The following PLXNA4 variants were observed in gnomAD, a reference collection of about 807,000 sequenced individuals.
The protein encoded by PLXNA4 is plexin-A4.
In PLXNA4, 44 loss-of-function variants were observed where a neutral mutation model predicts 191.8. The ratio of observed to expected loss-of-function variants is 0.23; its 90% CI spans 0.18 to 0.29. The LOEUF is 0.29. Among genes scored for constraint, PLXNA4 ranks in the 10% least tolerant of loss-of-function variants. The pLI is 1.00. For synonymous variants in PLXNA4, 1,082 were observed against 1,009.5 expected (o/e 1.07, Z -1.36); for missense variants, 1,800 against 2,488.8 (o/e 0.72, Z 5.89).
intron 23 of PLXNA4, 28 bp downstream of exon 23, chr7:132,165,106 C>A: frequency 1.2e-6 from 2 of 1,607,982 alleles, no homozygotes; most frequent in Non-Finnish European, 8.5e-7. Context: ...CGAGGCAAGG[C>A]CAGAAATACG....
chr7:132,222,380 T>C (rs550182438), intron 9 of PLXNA4, among the ~76,000 whole-genome samples: 2 of 152,240 alleles, frequency 1.3e-5, no homozygotes, highest in South Asian at 4.1e-4. Flanking sequence ...CCCATGAGGG[T>C]TTGGCCAAAG....
intron 30 of PLXNA4, among the ~76,000 whole-genome samples, chr7:132,136,005 A>G (rs1456259867): frequency 2.0e-5 from 3 of 152,040 alleles, no homozygotes; most frequent in African/African-American, 7.2e-5. Context: ...GTGGGGCTTA[A>G]GTCTTGCTGA....
chr7:132,274,718 T>C (rs1212534947), intron 4 of PLXNA4, among the ~76,000 whole-genome samples: 2 of 152,062 alleles, frequency 1.3e-5, no homozygotes, highest in Non-Finnish European at 2.9e-5. Flanking sequence ...GTTATATATT[T>C]TTGGCACGAA....
chr7:132,492,886 G>A (rs1797860431), intron 2 of PLXNA4, among the ~76,000 whole-genome samples: 1 of 152,194 alleles, frequency 6.6e-6, no homozygotes, highest in Non-Finnish European at 1.5e-5. Context: ...AATCCTGCCT[G>A]GAACAGGGGT....
chr7:132,561,004 T>G (rs893365471), intron 1 of PLXNA4, among the ~76,000 whole-genome samples: 2 of 152,076 alleles, frequency 1.3e-5, no homozygotes, highest in African/African-American at 4.8e-5. Context: ...ACAAATCTGG[T>G]CTTGTTGATT....
At chr7:132,471,857 C>T (rs1796947645) in intron 3 of PLXNA4, among the ~76,000 whole-genome samples, 1 of 152,282 alleles carries the variant, frequency 6.6e-6, no homozygotes, top group Non-Finnish European at 1.5e-5. Context: ...AGCAGGGCCA[C>T]GGCCTTTCTT....
At chr7:132,151,033 C>T (rs1206266873) in intron 25 of PLXNA4, among the ~76,000 whole-genome samples, 2 of 152,124 alleles carry the variant, frequency 1.3e-5, no homozygotes, top group Admixed American at 1.3e-4. Context: ...GAATGTTTTC[C>T]CAAAAGCCAA....
At chr7:132,151,180 T>G (rs1379055209) in intron 25 of PLXNA4, among the ~76,000 whole-genome samples, 1 of 144,662 alleles carries the variant, frequency 6.9e-6, no homozygotes, top group African/African-American at 2.6e-5. Flanking sequence ...GGTGAAAGAA[T>G]AAGAAGAAAG....
At chr7:132,232,818 G>A (rs1201595783) in intron 5 of PLXNA4, among the ~76,000 whole-genome samples, 8 of 152,140 alleles carry the variant, frequency 5.3e-5, no homozygotes, top group Non-Finnish European at 1.2e-4. Context: ...CCCAAATACA[G>A]CGATAGAAAT....
chr7:132,242,423 G>A (rs1201150573), intron 4 of PLXNA4, among the ~76,000 whole-genome samples: 1 of 152,144 alleles, frequency 6.6e-6, no homozygotes, highest in Non-Finnish European at 1.5e-5. Flanking sequence ...CTTGGCAGGG[G>A]CTACTTGTAA....
At chr7:132,402,170 T>G (rs1200814614) in intron 3 of PLXNA4, among the ~76,000 whole-genome samples, 1 of 152,156 alleles carries the variant, frequency 6.6e-6, no homozygotes, top group East Asian at 1.9e-4. Context: ...TCTTTATTCT[T>G]ATTTTATACA....
intron 3 of PLXNA4, among the ~76,000 whole-genome samples, chr7:132,353,162 T>G (rs1238966916): frequency 2.0e-5 from 3 of 152,220 alleles, no homozygotes; most frequent in African/African-American, 2.4e-5. Flanking sequence ...ATGACGTTTC[T>G]GCTATTGCAA....
intron 14 of PLXNA4, among the ~76,000 whole-genome samples, chr7:132,188,237 C>T (rs574298084): frequency 6.6e-6 from 1 of 152,288 alleles, no homozygotes; most frequent in African/African-American, 2.4e-5. Context: ...TGCCCCCAGC[C>T]CTCTGCCAGA....
intron 3 of PLXNA4, among the ~76,000 whole-genome samples, chr7:132,417,529 C>T (rs750862481): frequency 6.6e-6 from 1 of 152,150 alleles, no homozygotes; most frequent in African/African-American, 2.4e-5. Flanking sequence ...TCCTTGAGGG[C>T]AGAGATTTTA....
At chr7:132,577,943 C>G (rs7803585), upstream of PLXNA4, among the ~76,000 whole-genome samples, 63,218 of 151,966 alleles carry the variant, frequency 0.42, 14,898 homozygotes, top group South Asian at 0.62. Context: ...GTGGCCAGTG[C>G]CCCAGAGCTG....
intron 2 of PLXNA4, among the ~76,000 whole-genome samples, chr7:132,585,855 C>A (rs1412566337): frequency 6.6e-6 from 1 of 152,152 alleles, no homozygotes; most frequent in African/African-American, 2.4e-5. Flanking sequence ...AACCTAATTA[C>A]CTCCCAAAGG....
At chr7:132,133,251 GGA>G in intron 30 of PLXNA4, 52 bp from the exon 31 acceptor site, 1 of 1,593,954 alleles carries the variant, frequency 6.3e-7, no homozygotes, top group Non-Finnish European at 8.5e-7. Flanking sequence ...ACGGAGTAGA[GGA>G]GAGATGGATG....
intron 3 of PLXNA4, among the ~76,000 whole-genome samples, chr7:132,348,965 C>A (rs79208269): frequency 0.028 from 4,224 of 152,210 alleles, 68 homozygotes; most frequent in Middle Eastern, 0.044. Flanking sequence ...CTAATGGGGG[C>A]AGCGTCCCAA....
At chr7:132,249,688 G>T (rs1487243679) in intron 4 of PLXNA4, among the ~76,000 whole-genome samples, 1 of 152,242 alleles carries the variant, frequency 6.6e-6, no homozygotes, top group Non-Finnish European at 1.5e-5. Context: ...GGCAAAGGTG[G>T]AAATTGAAAT....
Sources: gnomAD v4.1 joint callset for allele counts (sites outside exome capture counted in the v4.1 genomes callset) on GRCh38, gnomAD v4.1.1 for gene constraint, MANE v1.5 for transcripts, NCBI Gene and HGNC (gene_info 2026-07-23, HGNC 2026-07-21) for gene names.